ADAMTS9: variants seen among roughly 807,000 people sequenced by gnomAD.
ADAMTS9 encodes A disintegrin and metalloproteinase with thrombospondin motifs 9.
In ADAMTS9, 107 loss-of-function variants were observed where a neutral mutation model predicts 257.1. The ratio of observed to expected loss-of-function variants is 0.42; its 90% confidence interval spans 0.36 to 0.49. ADAMTS9 has a LOEUF of 0.49. Among genes scored for constraint, ADAMTS9 ranks in the 20% least tolerant of loss-of-function variants. The pLI is 0.03. For missense variants in ADAMTS9, 2,353 were observed against 2,469.1 expected (o/e 0.95, Z 1.00); for synonymous variants, 982 against 880.9 (o/e 1.11, Z -2.03).
chr3:64,650,895 A>T, intron 9 of ADAMTS9, 122 bp downstream of exon 9: 1 of 976,504 alleles, frequency 1.0e-6, no homozygotes, highest in Non-Finnish European at 1.4e-6. Context: ...GCCTTCTCCA[A>T]GGAATGTCAA....
intron 38 of ADAMTS9, among the ~76,000 whole-genome samples, chr3:64,528,184 T>G (rs1405327330): frequency 3.9e-5 from 6 of 152,102 alleles, no homozygotes; most frequent in Non-Finnish European, 5.9e-5. Context: ...AGCCAGGACG[T>G]GATCATCCTT....
At chr3:64,527,649 C>T (rs1237152794) in intron 38 of ADAMTS9, among the ~76,000 whole-genome samples, 2 of 151,966 alleles carry the variant, frequency 1.3e-5, no homozygotes, top group Non-Finnish European at 2.9e-5. Flanking sequence ...TAAAACACAG[C>T]ATATAGGGTT....
chr3:64,542,268 AC>A (rs1265056163), intron 32 of ADAMTS9, among the ~76,000 whole-genome samples: 1 of 151,952 alleles, frequency 6.6e-6, no homozygotes, highest in African/African-American at 2.4e-5. Context: ...GCCTCACAGT[AC>A]CCCTATGAGA....
At chr3:64,670,407 A>T (rs1421526727) in intron 3 of ADAMTS9, among the ~76,000 whole-genome samples, 4 of 152,152 alleles carry the variant, frequency 2.6e-5, no homozygotes, top group Non-Finnish European at 5.9e-5. Flanking sequence ...ATAAATCCTA[A>T]ATACACCTCT....
intron 25 of ADAMTS9, among the ~76,000 whole-genome samples, chr3:64,603,246 GCT>G (rs1446824040): frequency 6.6e-6 from 1 of 152,130 alleles, no homozygotes. Context: ...TTTTTACAGA[GCT>G]CTGTTTCATT....
intron 12 of ADAMTS9, among the ~76,000 whole-genome samples, chr3:64,639,323 A>ATTT (rs1700582961): frequency 2.0e-5 from 3 of 148,280 alleles, no homozygotes; most frequent in Non-Finnish European, 3.0e-5. Flanking sequence ...AAAAAAAAAA[A>ATTT]AAAAAAAACC....
chr3:64,644,888 G>T (rs568243251), intron 11 of ADAMTS9, among the ~76,000 whole-genome samples: 20 of 152,134 alleles, frequency 1.3e-4, no homozygotes, highest in Non-Finnish European at 2.2e-4. Flanking sequence ...ATCTAGCACT[G>T]CACTCAAATG....
intron 4 of ADAMTS9, among the ~76,000 whole-genome samples, chr3:64,658,109 T>C (rs963470415): frequency 6.6e-6 from 1 of 152,170 alleles, no homozygotes; most frequent in Non-Finnish European, 1.5e-5. Flanking sequence ...TTTTCGGAAC[T>C]GGACAAGCTA....
At chr3:64,518,939 A>G (rs113596127) in intron 39 of ADAMTS9, among the ~76,000 whole-genome samples, 2,251 of 151,882 alleles carry the variant, frequency 0.015, 45 homozygotes, top group African/African-American at 0.052. Context: ...CAACACACCC[A>G]GCTAAATTTT....
chr3:64,533,082 T>C, intron 38 of ADAMTS9, 84 bp downstream of exon 38: 1 of 1,286,556 alleles, frequency 7.8e-7, no homozygotes, highest in Non-Finnish European at 1.1e-6. Flanking sequence ...CGTTTGCTCC[T>C]TCAGCACCAC....
rs753340690 is a variant in ADAMTS9 at position 64,613,360 on chromosome 3, C to T, written c.3339G>A (p.Ala1113=). The T allele has an allele frequency of 5.0e-6, 8 of 1,613,610 alleles. No individual in the cohort carries two copies. Among genetic ancestry groups the T allele is most frequent in the South Asian group, 3.3e-5 (3 of 91,020 alleles). ...TTCAAAATACCTGTCCCCAGGGACC[C>T]GCCTGCCAGGATGCACATTCCGGCT... ...CQQPECASWQ[A]GPWGQCSVTC... Residue 1113 remains alanine (A), a synonymous_variant, in exon 22 of 40, where the codon GCG becomes GCA. Coordinates refer to ENST00000498707, the MANE Select transcript of ADAMTS9 (RefSeq NM_182920.2).
At chr3:64,626,199 T>C (rs1700216667) in intron 16 of ADAMTS9, among the ~76,000 whole-genome samples, 1 of 152,186 alleles carries the variant, frequency 6.6e-6, no homozygotes, top group Admixed American at 6.5e-5. Context: ...ATCACACTTC[T>C]ATAAGGTAGT....
intron 25 of ADAMTS9, among the ~76,000 whole-genome samples, chr3:64,603,414 A>G (rs372526484): frequency 8.7e-6 from 1 of 114,536 alleles, no homozygotes; most frequent in African/African-American, 5.0e-5. Context: ...TAAAAGTTCT[A>G]CTTGTAAAAA....
chr3:64,562,921 G>A (rs770538924), intron 29 of ADAMTS9: 2 of 152,158 alleles, frequency 1.3e-5, no homozygotes, highest in Admixed American at 6.5e-5. Context: ...AACAGGTAAC[G>A]ATATTTAGAA....
chr3:64,601,132 A>T (rs1294430664), intron 26 of ADAMTS9, among the ~76,000 whole-genome samples: 3 of 152,166 alleles, frequency 2.0e-5, no homozygotes, highest in Admixed American at 1.3e-4. Flanking sequence ...GATATTTGTC[A>T]AGGCCTCCCT....
At chr3:64,631,968 A>G in intron 14 of ADAMTS9, 43 bp from the exon 15 acceptor site, 1 of 1,423,014 alleles carries the variant, frequency 7.0e-7, no homozygotes, top group Non-Finnish European at 9.8e-7. Flanking sequence ...AGCATTATAG[A>G]GATTATAAAA....
At chr3:64,645,834 G>T (rs1559808289) in intron 11 of ADAMTS9, among the ~76,000 whole-genome samples, 1 of 152,190 alleles carries the variant, frequency 6.6e-6, no homozygotes, top group Non-Finnish European at 1.5e-5. Context: ...TTTAGCAGGA[G>T]CAGGGTCTGC....
At chr3:64,576,965 G>C (rs9832591) in intron 28 of ADAMTS9, among the ~76,000 whole-genome samples, 62,308 of 151,930 alleles carry the variant, frequency 0.41, 13,128 homozygotes, top group African/African-American at 0.5. Context: ...GAATATGGGG[G>C]ACAGGGCGCT....
intron 32 of ADAMTS9, among the ~76,000 whole-genome samples, chr3:64,544,602 C>T (rs762382495): frequency 6.6e-6 from 1 of 152,114 alleles, no homozygotes; most frequent in East Asian, 1.9e-4. Flanking sequence ...ATATCTGATA[C>T]AAAAATTAAT....
Sources: gnomAD v4.1 joint callset for allele counts (sites outside exome capture counted in the v4.1 genomes callset) on GRCh38, gnomAD v4.1.1 for gene constraint, MANE v1.5 for transcripts, NCBI Gene and HGNC (gene_info 2026-07-23, HGNC 2026-07-21) for gene names.